TTLL11: variants seen among roughly 807,000 people sequenced by gnomAD.
The protein encoded by TTLL11 is tubulin tyrosine ligase like 11.
TTLL11 carries 42 observed loss-of-function variants against 51.7 expected under a neutral mutation model. The ratio of observed to expected loss-of-function variants is 0.81; its 90% CI spans 0.64 to 1.05. TTLL11 has a LOEUF of 1.05. Ranked by LOEUF, TTLL11 falls within the 50% of genes least tolerant of loss-of-function variation. The pLI, the probability that TTLL11 is intolerant of heterozygous loss-of-function variation, is 0.00. For synonymous variants in TTLL11, 381 were observed against 383.5 expected, an observed-to-expected ratio of 0.99 and a Z score of 0.08; for missense variants, 799 against 940.4, an observed-to-expected ratio of 0.85 and a Z score of 1.97.
intron 4 of TTLL11, among the ~76,000 whole-genome samples, chr9:121,983,960 T>G (rs892725708): frequency 1.3e-5 from 2 of 152,166 alleles, no homozygotes; most frequent in African/African-American, 4.8e-5. Context: ...AAAGGGTTTA[T>G]CTAGGAGGTG....
rs978849196 is a variant in TTLL11 at position 121,821,957 on chromosome 9, G to A, written c.*630C>T. 3 of 152,108 alleles carry A rather than the reference G, an allele frequency of 2.0e-5. No homozygotes were observed. Among genetic ancestry groups the A allele is most frequent in the Admixed American group, 6.5e-5 (1 of 15,268 alleles). The allele number at this position is 152,108 out of a possible 1,614,324, so 9.4% of individuals were successfully genotyped here. On this transcript the variant is annotated 3_prime_UTR_variant, in exon 9 of 9. Coordinates refer to ENST00000321582, the MANE Select transcript of TTLL11 (RefSeq NM_001139442.2). The surrounding 1 kb of genome is among the most constrained non-coding windows in gnomAD (Gnocchi z 5.0). ...GGCTCCTGCCAGCTCTGAGGCTCCA[G>A]GAGTCTTAGTTACTTCTTAATTAAT...
At chr9:122,064,183 T>C (rs1818217001) in intron 1 of TTLL11, among the ~76,000 whole-genome samples, 1 of 152,074 alleles carries the variant, frequency 6.6e-6, no homozygotes, top group African/African-American at 2.4e-5. Flanking sequence ...AGCACCAAAC[T>C]GAATAAAGAA....
In TTLL11 at chr9:121,840,131, C is replaced by T. The variant is rs80214270; in HGVS notation, c.1841-17252G>A. ...ATTAACATGCAAATTGCCTTCTTTA[C>T]AGAAGGTAATTTTATTAGTGCACGA... On this transcript the variant is annotated intron_variant, in intron 8 of 8. Coordinates refer to ENST00000321582, the MANE Select transcript of TTLL11 (RefSeq NM_001139442.2). Among the ~76,000 whole-genome samples, 901 of 152,284 alleles carry T rather than the reference C, an allele frequency of 5.9e-3. 8 individuals carry two copies. Among genetic ancestry groups the T allele is most frequent in the Non-Finnish European group, 8.3e-3 (565 of 68,028 alleles).
At chr9:121,914,613 C>T (rs114049811) in intron 6 of TTLL11, among the ~76,000 whole-genome samples, 1,918 of 152,288 alleles carry the variant, frequency 0.013, 45 homozygotes, top group African/African-American at 0.043. Flanking sequence ...CCTTCCTGGG[C>T]GTCTCCATGA....
chr9:122,017,697 G>A (rs1055808966), intron 3 of TTLL11, among the ~76,000 whole-genome samples: 1 of 152,140 alleles, frequency 6.6e-6, no homozygotes, highest in Non-Finnish European at 1.5e-5. Flanking sequence ...TCCTGACCTT[G>A]TGATCTGCCT....
chr9:121,988,363 C>G (rs1588179612), intron 4 of TTLL11, among the ~76,000 whole-genome samples: 1 of 152,010 alleles, frequency 6.6e-6, no homozygotes, highest in South Asian at 2.1e-4. Context: ...GACCACCCCC[C>G]CGAACCAATA....
intron 8 of TTLL11, among the ~76,000 whole-genome samples, chr9:121,841,073 C>G (rs1837331589): frequency 6.6e-6 from 1 of 151,996 alleles, no homozygotes; most frequent in Non-Finnish European, 1.5e-5. Context: ...GGAGAAGGGT[C>G]TGGAAGCTTC....
At chr9:122,042,870 A>G (rs1844883657) in intron 1 of TTLL11, among the ~76,000 whole-genome samples, 1 of 152,206 alleles carries the variant, frequency 6.6e-6, no homozygotes, top group Non-Finnish European at 1.5e-5. Flanking sequence ...TTCCAACTAA[A>G]CTACATTCTG....
At chr9:122,055,748 A>G (rs55693329) in intron 1 of TTLL11, among the ~76,000 whole-genome samples, 5 of 152,208 alleles carry the variant, frequency 3.3e-5, no homozygotes, top group Non-Finnish European at 7.3e-5. Flanking sequence ...AAAGCTCCAC[A>G]CCACCTTGTA....
At chr9:121,973,177 G>A (rs368827545) in intron 6 of TTLL11, among the ~76,000 whole-genome samples, 430 of 152,324 alleles carry the variant, frequency 2.8e-3, no homozygotes, top group Non-Finnish European at 4.6e-3. Flanking sequence ...GGAGGGCGAA[G>A]CACATATATC....
At chr9:121,943,855 C>T (rs1296665056) in intron 6 of TTLL11, among the ~76,000 whole-genome samples, 1 of 152,162 alleles carries the variant, frequency 6.6e-6, no homozygotes. Context: ...GGTCTATCCC[C>T]CTGTGCACCC....
intron 1 of TTLL11, among the ~76,000 whole-genome samples, chr9:122,076,667 C>G (rs1261522405): frequency 6.6e-6 from 1 of 151,302 alleles, no homozygotes; most frequent in Non-Finnish European, 1.5e-5. Context: ...GAAACCTAAG[C>G]CTCAAAGAAT....
chr9:121,890,697 G>A lies in TTLL11; in HGVS notation c.1482-19949C>T, dbSNP rs1177338265. Among the ~76,000 whole-genome samples the A allele has an allele frequency of 6.6e-6, 1 of 152,212 alleles. No homozygotes were observed. The highest frequency in any genetic ancestry group is 1.9e-4 in the East Asian group (1 of 5,198). ...TCAATAATGGCAGTTCACAAAGGCA[G>A]GTATTGTTGACAGTTTTGTGCACTG... On this transcript the variant is annotated intron_variant, in intron 6 of 8. Transcript: ENST00000321582. The surrounding 1 kb of genome is among the most constrained non-coding windows in gnomAD (Gnocchi z 4.3).
At chr9:122,047,258 C>T (rs1240108873) in intron 1 of TTLL11, among the ~76,000 whole-genome samples, 1 of 152,170 alleles carries the variant, frequency 6.6e-6, no homozygotes, top group Non-Finnish European at 1.5e-5. Context: ...ATAAAATGGT[C>T]AACCTTTTCC....
intron 2 of TTLL11, among the ~76,000 whole-genome samples, chr9:122,035,977 C>T (rs1396629839): frequency 6.6e-6 from 1 of 152,114 alleles, no homozygotes; most frequent in African/African-American, 2.4e-5. Context: ...GTCTTTGCAC[C>T]AACTCTGCTC....
At chr9:122,048,672 C>T (rs1257167868) in intron 1 of TTLL11, among the ~76,000 whole-genome samples, 1 of 152,182 alleles carries the variant, frequency 6.6e-6, no homozygotes. Context: ...TGACTAATTT[C>T]GATCCTTTAA....
rs948283254 is a variant in TTLL11, at chr9:122,031,760, C to A, written c.656G>T (p.Trp219Leu). 8 of 1,613,194 alleles carry A rather than the reference C, an allele frequency of 5.0e-6. No homozygotes were observed. In the African/African-American group the frequency reaches 9.3e-5, roughly 19 times the overall value. The change falls in exon 3 of 9, where the codon TGG (tryptophan) becomes TTG (leucine). Residue 219 changes from tryptophan to leucine, a missense_variant. Physicochemically the swap from Trp to Leu is moderately conservative, Grantham distance 61. Coordinates refer to ENST00000321582, the MANE Select transcript of TTLL11 (RefSeq NM_001139442.2). ...GAGCTGGAACTCGTCAGGCAGAATCCATGAGCGAGGGTAGAAGTTGTACTC... is the reference window on the plus strand; with the variant it reads ...GAGCTGGAACTCGTCAGGCAGAATCAATGAGCGAGGGTAGAAGTTGTACTC... Reference protein sequence around the residue: ...PEEYNFYPRSWILPDEFQLFV... With the variant: ...PEEYNFYPRSLILPDEFQLFV...
At chr9:121,903,350 C>T (rs1839834212) in intron 6 of TTLL11, among the ~76,000 whole-genome samples, 1 of 152,156 alleles carries the variant, frequency 6.6e-6, no homozygotes, top group Non-Finnish European at 1.5e-5. Flanking sequence ...ATTCTGAGGG[C>T]ATGGGAAGAA....
At chr9:122,031,094 G>C (rs1217870436) in intron 3 of TTLL11, among the ~76,000 whole-genome samples, 6 of 152,178 alleles carry the variant, frequency 3.9e-5, no homozygotes, top group African/African-American at 1.4e-4. Flanking sequence ...TGTGAAACTT[G>C]TACACAAAGG....
Sources: gnomAD v4.1 joint callset for allele counts (sites outside exome capture counted in the v4.1 genomes callset) on GRCh38, gnomAD v4.1.1 for gene constraint, Gnocchi (gnomAD v3.1) non-coding constraint, MANE v1.5 for transcripts, NCBI Gene and HGNC (gene_info 2026-07-23, HGNC 2026-07-21) for gene names.